Variants in LIN9 observed in about 807,000 individuals in gnomAD.
LIN9 encodes the protein protein lin-9 homolog.
A neutral mutation model predicts 78.0 loss-of-function variants in LIN9; 18 were observed. That is an observed-to-expected ratio of 0.23 (90% confidence interval 0.16 to 0.34). LIN9 has a LOEUF of 0.34. Among genes scored for constraint, LIN9 ranks in the 10% least tolerant of loss-of-function variants. The pLI, the probability that LIN9 is intolerant of heterozygous loss-of-function variation, is 1.00. For missense variants in LIN9, 451 were observed against 644.1 expected (o/e 0.70, Z 3.25); for synonymous variants, 192 against 215.2 (o/e 0.89, Z 0.94).
At chr1:226,245,407 C>T (rs1473619858) in intron 11 of LIN9, among the ~76,000 whole-genome samples, 2 of 137,842 alleles carry the variant, frequency 1.5e-5, no homozygotes, top group Non-Finnish European at 3.1e-5. Context: ...TTAGTTCTGC[C>T]AGTCACATAC....
At chr1:226,249,799 T>C (rs1421385536) in intron 11 of LIN9, among the ~76,000 whole-genome samples, 1 of 152,206 alleles carries the variant, frequency 6.6e-6, no homozygotes, top group South Asian at 2.1e-4. Context: ...CCATCCTACA[T>C]ATCCTTAAGC....
chr1:226,306,053 G>A (rs1019167646), intron 1 of LIN9, among the ~76,000 whole-genome samples: 1 of 152,082 alleles, frequency 6.6e-6, no homozygotes, highest in Non-Finnish European at 1.5e-5. Flanking sequence ...CTGGGGGCGC[G>A]GTGGCTCACC....
In LIN9 at chr1:226,265,332, A is replaced by G. The variant is rs1240956418; in HGVS notation, c.1038+201T>C. Among the ~76,000 whole-genome samples the G allele has an allele frequency of 6.6e-6, 1 of 152,246 alleles. No individual in the cohort carries two copies. Among genetic ancestry groups the G allele is most frequent in the East Asian group, 1.9e-4 (1 of 5,202 alleles). On this transcript the variant is annotated intron_variant, in intron 10 of 14. Coordinates refer to ENST00000681046, the MANE Select transcript of LIN9 (RefSeq NM_001366245.2). The surrounding 1 kb of genome is among the most constrained non-coding windows in gnomAD (Gnocchi z 4.1). Reference sequence around the variant, plus strand: ...ATAGCAGAATAATAAGAACTCAGACACAAGACAAAGCTCAAGAAGAAAGAT... The same window carrying G: ...ATAGCAGAATAATAAGAACTCAGACGCAAGACAAAGCTCAAGAAGAAAGAT...
At chr1:226,277,966 A>C (rs751669853) in intron 6 of LIN9, 34 bp from the exon 7 acceptor site, 1 of 1,508,180 alleles carries the variant, frequency 6.6e-7, no homozygotes, top group South Asian at 1.2e-5. Context: ...ACAAACTGAT[A>C]ACTACCCCAT....
At chr1:226,249,941 G>C (rs960790253) in intron 11 of LIN9, among the ~76,000 whole-genome samples, 33 of 152,222 alleles carry the variant, frequency 2.2e-4, no homozygotes, top group Non-Finnish European at 4.3e-4. Flanking sequence ...ATCCCGAGGT[G>C]GGTGGATCAC....
At chr1:226,291,898 C>G (rs1661817832) in intron 4 of LIN9, among the ~76,000 whole-genome samples, 1 of 150,412 alleles carries the variant, frequency 6.6e-6, no homozygotes, top group African/African-American at 2.4e-5. Context: ...TGTTTTCCCT[C>G]AGTGACCATT....
chr1:226,260,096 T>C (rs1659469768), intron 10 of LIN9, among the ~76,000 whole-genome samples: 2 of 152,250 alleles, frequency 1.3e-5, no homozygotes, highest in South Asian at 4.1e-4. Context: ...CCTATGGACT[T>C]TAAAAAGATA....
At chr1:226,301,490 G>A (rs1662531061) in intron 1 of LIN9, among the ~76,000 whole-genome samples, 1 of 152,150 alleles carries the variant, frequency 6.6e-6, no homozygotes, top group African/African-American at 2.4e-5. Flanking sequence ...AGGAAGAGTG[G>A]GGACAGAGGT....
At chr1:226,250,030 C>T (rs1418409970) in intron 11 of LIN9, among the ~76,000 whole-genome samples, 2 of 152,020 alleles carry the variant, frequency 1.3e-5, no homozygotes, top group African/African-American at 4.8e-5. Context: ...ATTAGCTGGT[C>T]GTGGTGGTGT....
intron 5 of LIN9, 30 bp downstream of exon 5, chr1:226,287,634 A>G (rs1244010801): frequency 7.0e-7 from 1 of 1,436,058 alleles, no homozygotes; most frequent in Admixed American, 2.6e-5. Flanking sequence ...TGATTCAAGT[A>G]ATATTCATAA....
At chr1:226,287,590 T>C (rs781465962) in intron 5 of LIN9, 74 bp downstream of exon 5, 2 of 1,006,018 alleles carry the variant, frequency 2.0e-6, no homozygotes, top group Non-Finnish European at 2.9e-6. Flanking sequence ...ATAGAAAATG[T>C]TGTAGCTTAA....
chr1:226,280,845 G>A (rs562271184), intron 6 of LIN9, among the ~76,000 whole-genome samples: 43 of 151,952 alleles, frequency 2.8e-4, no homozygotes, highest in Admixed American at 2.6e-4. Flanking sequence ...AAATCTTCCT[G>A]GTATATAACC....
chr1:226,294,882 C>G (rs1303599822), intron 4 of LIN9, among the ~76,000 whole-genome samples: 1 of 151,632 alleles, frequency 6.6e-6, no homozygotes, highest in Non-Finnish European at 1.5e-5. Flanking sequence ...TCACTGCAAC[C>G]TCAGCCTCCT....
At chr1:226,237,223 T>C (rs183293552) in intron 12 of LIN9, among the ~76,000 whole-genome samples, 19 of 152,346 alleles carry the variant, frequency 1.2e-4, no homozygotes, top group Admixed American at 1.1e-3. Context: ...CTGGACTGCA[T>C]AGTCTGCATG....
At chr1:226,268,219 C>T in intron 7 of LIN9, 129 bp from the exon 8 acceptor site, 1 of 793,914 alleles carries the variant, frequency 1.3e-6, no homozygotes, top group Non-Finnish European at 1.8e-6. Context: ...AACAAGCACA[C>T]ACTTTATTTT....
intron 1 of LIN9, among the ~76,000 whole-genome samples, chr1:226,301,644 A>G (rs772889805): frequency 6.6e-6 from 1 of 152,236 alleles, no homozygotes; most frequent in Non-Finnish European, 1.5e-5. Context: ...AGAGCAAGCA[A>G]TAAGTCCCTT....
At position 226,309,127 on chromosome 1, in the gene LIN9, C is replaced by G. The variant is rs1488199264; in HGVS notation, c.13G>C (p.Asp5His). The G allele has an allele frequency of 7.4e-7, 1 of 1,343,768 alleles. No individual in the cohort carries two copies. The highest frequency in any genetic ancestry group is 9.7e-7 in the Non-Finnish European group (1 of 1,035,048). 83.2% of individuals were successfully genotyped at this position (1,343,768 alleles called of 1,614,324 possible). A position where few individuals can be genotyped will look rare whatever the true frequency, so the allele number is the denominator to read the frequency against. ...TACTCACTCTCGTCAGGCAACTGGT[C>G]GAGCTCCGCCATCTTGAACGAGCCG... is the stretch of plus-strand genomic sequence containing the variant. MAELDQLPDESSSAK... is the reference protein window; with the variant it reads MAELHQLPDESSSAK... Residue 5 changes from aspartate to histidine, a missense_variant, in exon 1 of 15, where the codon GAC becomes CAC. Coordinates refer to ENST00000681046, the MANE Select transcript of LIN9 (RefSeq NM_001366245.2).
chr1:226,239,567 C>G (rs1329176806), intron 11 of LIN9, among the ~76,000 whole-genome samples: 5 of 152,186 alleles, frequency 3.3e-5, no homozygotes, highest in Non-Finnish European at 1.5e-5. Flanking sequence ...CCACCTCTAT[C>G]ATCATCTAGC....
chr1:226,292,735 C>T (rs541220685), intron 4 of LIN9, among the ~76,000 whole-genome samples: 1 of 152,286 alleles, frequency 6.6e-6, no homozygotes, highest in Non-Finnish European at 1.5e-5. Context: ...TGAGCCACTG[C>T]CCAGCCAAAC....
Sources: gnomAD v4.1 joint callset for allele counts (sites outside exome capture counted in the v4.1 genomes callset) on GRCh38, gnomAD v4.1.1 for gene constraint, Gnocchi (gnomAD v3.1) non-coding constraint, MANE v1.5 for transcripts, NCBI Gene and HGNC (gene_info 2026-07-23, HGNC 2026-07-21) for gene names.